F8: variants seen among roughly 807,000 people sequenced by gnomAD.
F8 encodes the protein antihemophilic factor.
A neutral mutation model predicts 140.6 loss-of-function variants in F8; 12 were observed. The ratio of observed to expected loss-of-function variants is 0.09; its 90% CI spans 0.05 to 0.14. F8 has a LOEUF of 0.14. Ranked by LOEUF, F8 falls within the 10% of genes least tolerant of loss-of-function variation. The pLI is 1.00. For synonymous variants in F8, 585 were observed against 614.6 expected (o/e 0.95, Z 0.71); for missense variants, 1,354 against 1,720.7 (o/e 0.79, Z 3.77).
intron 6 of F8, among the ~76,000 whole-genome samples, chrX:154,974,613 T>C (rs915725831): frequency 2.7e-5 from 3 of 111,878 alleles, no homozygotes; most frequent in Non-Finnish European, 5.6e-5. Flanking sequence ...CCTAAAATAA[T>C]TTTGGAAGAG....
chrX:154,947,264 G>A (rs1008594371), intron 13 of F8, among the ~76,000 whole-genome samples: 44 of 102,915 alleles, frequency 4.3e-4, no homozygotes, highest in Non-Finnish European at 7.7e-4. Context: ...ACATACAAAT[G>A]GCCAACAAGT....
At chrX:154,921,282 T>C (rs984074864) in intron 14 of F8, among the ~76,000 whole-genome samples, 2 of 112,089 alleles carry the variant, frequency 1.8e-5, no homozygotes, top group Non-Finnish European at 3.8e-5. Context: ...GAAAATATGC[T>C]CATCATCACT....
intron 2 of F8, 99 bp from the exon 3 acceptor site, chrX:154,997,194 G>C (rs905234145): frequency 2.0e-6 from 2 of 1,009,560 alleles, no homozygotes. Context: ...GGAGAAGCAT[G>C]CCCCTGTAAT....
intron 13 of F8, among the ~76,000 whole-genome samples, chrX:154,943,045 A>T (rs1350716979): frequency 9.0e-6 from 1 of 111,718 alleles, no homozygotes; most frequent in African/African-American, 3.3e-5. Flanking sequence ...TCTATGGCAA[A>T]CCCACAGCCA....
At chrX:155,008,290 C>T (rs1350997940) in intron 1 of F8, among the ~76,000 whole-genome samples, 3 of 112,006 alleles carry the variant, frequency 2.7e-5, no homozygotes, top group African/African-American at 6.5e-5. Context: ...TGATTAGCAC[C>T]CCCGCCAATG....
chrX:154,950,940 A>G (rs2073334414), intron 12 of F8, among the ~76,000 whole-genome samples: 1 of 112,187 alleles, frequency 8.9e-6, no homozygotes, highest in Non-Finnish European at 1.9e-5. Flanking sequence ...TTTGAATCTA[A>G]TCTGACTAGA....
At chrX:154,996,876 G>T in intron 3 of F8, 97 bp downstream of exon 3, 1 of 926,013 alleles carries the variant, frequency 1.1e-6, no homozygotes, top group Non-Finnish European at 1.6e-6. Flanking sequence ...TGTTCAGTTA[G>T]GACCTTAAAA....
intron 13 of F8, among the ~76,000 whole-genome samples, chrX:154,934,500 C>T (rs1386770837): frequency 4.5e-5 from 5 of 111,625 alleles, no homozygotes; most frequent in Non-Finnish European, 9.4e-5. Context: ...GGTGGTTTTA[C>T]TGGACTCCTT....
chrX:154,903,302 A>G (rs1430553536), intron 18 of F8, among the ~76,000 whole-genome samples: 1 of 110,587 alleles, frequency 9.0e-6, no homozygotes, highest in African/African-American at 3.3e-5. Context: ...CAGCCACCCA[A>G]GTAGGTGAAG....
intron 12 of F8, 137 bp from the exon 13 acceptor site, chrX:154,948,044 C>CTGGG: frequency 1.8e-6 from 1 of 542,107 alleles, no homozygotes; most frequent in Non-Finnish European, 3.1e-6. Flanking sequence ...TTATATCTTC[C>CTGGG]AAAAAAGTAG....
At position 154,949,674 on chromosome X, in the gene F8, G is replaced by T. The variant is rs781911106; in HGVS notation, c.1904-1767C>A. 2.7e-5 allele frequency among the ~76,000 whole-genome samples: 3 copies of T among 111,173 alleles called. No homozygotes were observed. In the South Asian group the frequency reaches 1.2e-3, roughly 43 times the overall value. On this transcript the variant is annotated intron_variant, in intron 12 of 25. Transcript: ENST00000360256. Reference sequence around the variant, plus strand: ...TTGAACACTAAAATTCCAAGATCAAGGTATTGGCAGGTTTGGTTTTTACTG... The same window carrying T: ...TTGAACACTAAAATTCCAAGATCAATGTATTGGCAGGTTTGGTTTTTACTG...
intron 14 of F8, among the ~76,000 whole-genome samples, chrX:154,911,180 C>T (rs896987668): frequency 7.4e-5 from 8 of 108,443 alleles, no homozygotes; most frequent in Admixed American, 1.9e-4. Context: ...TGCTGAGCGC[C>T]GGTCCCCTGG....
chrX:154,871,955 C>A (rs2072776915), intron 22 of F8, among the ~76,000 whole-genome samples: 7 of 112,378 alleles, frequency 6.2e-5, no homozygotes. Context: ...AAATGCTGAT[C>A]ATCACTGGTC....
rs782581352 is a variant in F8 at position 154,930,369 on chromosome X, G to T, written c.3421C>A (p.Gln1141Lys). The change falls in exon 14 of 26, where the codon CAA becomes AAA. Residue 1141 changes from glutamine to lysine, a missense_variant. This residue lies in a region of F8 where 658 missense variants were observed against 666.5 expected (regional missense o/e 0.99). Transcript: ENST00000360256. The stretch of plus-strand genomic sequence containing the variant: ...ACTAATTGCTTTGGACTGGGGCCTT[G>T]CCCAGAGTTCAGAGAGTTCTTTCCA... ...THGKNSLNSGQGPSPKQLVSL... is the reference protein window; with the variant it reads ...THGKNSLNSGKGPSPKQLVSL... The T allele has an allele frequency of 8.3e-7, 1 of 1,210,111 alleles. No individual in the cohort carries two copies. The highest frequency in any genetic ancestry group is 1.8e-5 in the South Asian group (1 of 56,796).
At chrX:154,877,111 A>G (rs1445242739) in intron 22 of F8, among the ~76,000 whole-genome samples, 1 of 112,258 alleles carries the variant, frequency 8.9e-6, no homozygotes, top group Non-Finnish European at 1.9e-5. Context: ...ATAAATGTTG[A>G]TCATTAACTT....
chrX:154,871,882 G>A (rs190189406), intron 22 of F8, among the ~76,000 whole-genome samples: 2,598 of 111,909 alleles, frequency 0.023, 24 homozygotes, highest in Middle Eastern at 0.037. Flanking sequence ...CAAAAAATGG[G>A]CAAAGGATAT....
At chrX:154,917,726 T>C (rs2073105465) in intron 14 of F8, among the ~76,000 whole-genome samples, 1 of 111,751 alleles carries the variant, frequency 8.9e-6, no homozygotes, top group South Asian at 3.7e-4. Context: ...GACTTTCCAG[T>C]GCATTTTTTT....
intron 1 of F8, among the ~76,000 whole-genome samples, chrX:155,013,880 G>A (rs2124166154): frequency 9.0e-6 from 1 of 111,446 alleles, no homozygotes; most frequent in South Asian, 3.8e-4. Flanking sequence ...TGAGTGTAGA[G>A]AGAGAACCTT....
chrX:154,988,751 C>T (rs2073572238), intron 4 of F8, among the ~76,000 whole-genome samples: 1 of 111,974 alleles, frequency 8.9e-6, no homozygotes, highest in African/African-American at 3.2e-5. Context: ...GGTTTGCTTT[C>T]CCCTCTTCTA....
Sources: gnomAD v4.1 joint callset for allele counts (sites outside exome capture counted in the v4.1 genomes callset) on GRCh38, gnomAD v4.1.1 for gene constraint, gnomAD v4.1.1 regional missense constraint, MANE v1.5 for transcripts, NCBI Gene and HGNC (gene_info 2026-07-23, HGNC 2026-07-21) for gene names.